Variants in GPALPP1 observed in about 807,000 individuals in gnomAD.
GPALPP1 encodes GPALPP motifs-containing protein 1.
Under a neutral mutation model 38.9 loss-of-function variants are expected in GPALPP1, and 30 were observed. The ratio of observed to expected loss-of-function variants is 0.77; its 90% CI spans 0.58 to 1.05. The LOEUF (loss-of-function observed/expected upper bound fraction) is 1.05. Ranked by LOEUF, GPALPP1 falls within the 50% of genes least tolerant of loss-of-function variation. GPALPP1 has a pLI of 0.00. For synonymous variants in GPALPP1, 120 were observed against 139.2 expected, an observed-to-expected ratio of 0.86 and a Z score of 0.97; for missense variants, 384 against 408.8, an observed-to-expected ratio of 0.94 and a Z score of 0.52.
At chr13:45,024,153 G>C (rs1566084405) in intron 7 of GPALPP1, among the ~76,000 whole-genome samples, 2 of 4,050 alleles carry the variant, frequency 4.9e-4, no homozygotes, top group African/African-American at 1.3e-3. Context: ...AACTCTGTGT[G>C]TGTGTGTGTG....
intron 1 of GPALPP1, among the ~76,000 whole-genome samples, chr13:44,992,021 T>G (rs1872839640): frequency 6.6e-6 from 1 of 152,258 alleles, no homozygotes; most frequent in Non-Finnish European, 1.5e-5. Context: ...GATGAACATT[T>G]GAGTAATTTC....
At chr13:45,026,095 T>C (rs931011533) in intron 7 of GPALPP1, among the ~76,000 whole-genome samples, 1 of 152,156 alleles carries the variant, frequency 6.6e-6, no homozygotes, top group African/African-American at 2.4e-5. Flanking sequence ...TTCTTAGCAA[T>C]ATTTGATGAT....
At chr13:45,024,394 G>A (rs1038291971) in intron 7 of GPALPP1, among the ~76,000 whole-genome samples, 2 of 151,304 alleles carry the variant, frequency 1.3e-5, no homozygotes, top group African/African-American at 4.9e-5. Flanking sequence ...CCACCTCCTG[G>A]GTTTAAGTGA....
At chr13:45,014,879 C>A in intron 4 of GPALPP1, 73 bp from the exon 5 acceptor site, 3 of 1,126,860 alleles carry the variant, frequency 2.7e-6, no homozygotes, top group Non-Finnish European at 3.7e-6. Context: ...CAGTTAAATG[C>A]AGGTAATTTA....
At chr13:44,990,151 CTT>C (rs1872687446) in intron 1 of GPALPP1, 1 of 415,766 alleles carries the variant, frequency 2.4e-6, no homozygotes, top group Admixed American at 4.1e-5. Context: ...AAGCGGTTCT[CTT>C]AACCTCTGTG....
chr13:45,009,833 T>C (rs943552179), intron 4 of GPALPP1, among the ~76,000 whole-genome samples: 1 of 152,188 alleles, frequency 6.6e-6, no homozygotes, highest in Non-Finnish European at 1.5e-5. Flanking sequence ...GTCAACAAAT[T>C]ATTTTGTTCC....
downstream of GPALPP1, chr13:45,030,529 A>T (rs941599469): frequency 6.6e-6 from 1 of 152,112 alleles, no homozygotes; most frequent in Non-Finnish European, 1.5e-5. Flanking sequence ...ACAGGCGTGC[A>T]CCACCATGCT....
intron 7 of GPALPP1, among the ~76,000 whole-genome samples, chr13:45,021,711 G>A (rs765296345): frequency 1.3e-5 from 2 of 151,392 alleles, no homozygotes; most frequent in Non-Finnish European, 2.9e-5. Context: ...AATGATAATG[G>A]AAGTTAGAAA....
At chr13:45,014,831 C>A in intron 4 of GPALPP1, 121 bp from the exon 5 acceptor site, 1 of 778,540 alleles carries the variant, frequency 1.3e-6, no homozygotes, top group Non-Finnish European at 2.0e-6. Context: ...GCCAGCAATA[C>A]ATTGTTTACT....
chr13:44,989,611 T>G lies in GPALPP1; in HGVS notation c.-44T>G. On this transcript the variant is annotated 5_prime_UTR_variant, in exon 1 of 8. Transcript: ENST00000379151. Reference sequence around the variant, plus strand: ...GGATTCTTTTTGGATAGGGTTGACGTTCGTGGATAGACTCATATCTGTGAC... The same window carrying G: ...GGATTCTTTTTGGATAGGGTTGACGGTCGTGGATAGACTCATATCTGTGAC... 1 of 1,548,334 alleles carries G rather than the reference T, an allele frequency of 6.5e-7. No individual in the cohort carries two copies. The highest frequency in any genetic ancestry group is 8.9e-7 in the Non-Finnish European group (1 of 1,122,760).
intron 6 of GPALPP1, among the ~76,000 whole-genome samples, chr13:45,017,296 T>C (rs746422334): frequency 2.0e-5 from 3 of 152,182 alleles, no homozygotes; most frequent in Non-Finnish European, 4.4e-5. Context: ...TGCCTGCATA[T>C]TGGGCAACAT....
At chr13:45,013,026 T>G (rs1033300785) in intron 4 of GPALPP1, among the ~76,000 whole-genome samples, 4 of 152,158 alleles carry the variant, frequency 2.6e-5, no homozygotes, top group Non-Finnish European at 5.9e-5. Context: ...AAATGGAACT[T>G]TATCTTAACC....
chr13:45,017,985 G>C (rs182889836), intron 6 of GPALPP1, among the ~76,000 whole-genome samples: 29 of 152,206 alleles, frequency 1.9e-4, no homozygotes, highest in African/African-American at 7.0e-4. Context: ...ACAGATCTTA[G>C]CCATATTTCC....
chr13:45,012,693 C>T (rs955628673), intron 4 of GPALPP1, among the ~76,000 whole-genome samples: 1 of 152,188 alleles, frequency 6.6e-6, no homozygotes, highest in Admixed American at 6.5e-5. Flanking sequence ...ACAGAGATTA[C>T]ACTGTAGGTC....
rs747485988 is a variant in GPALPP1, at chr13:45,014,964, A to G, written c.421A>G (p.Ser141Gly). The change falls in exon 5 of 8, where the codon AGT becomes GGT. Residue 141 changes from serine to glycine, a missense_variant. Physicochemically the swap from Ser to Gly is moderately conservative, Grantham distance 56 (BLOSUM62 0). Transcript: ENST00000379151. Reference sequence around the variant, plus strand: ...CTTGTTTTAAAAGGAAACAGACAGCAGTGAAGATGAGGATATTATTGGACC... The same window carrying G: ...CTTGTTTTAAAAGGAAACAGACAGCGGTGAAGATGAGGATATTATTGGACC... ...DDPGQQETDS[S>G]EDEDIIGPMP... 58 of 1,596,198 alleles carry G rather than the reference A, an allele frequency of 3.6e-5. No individual in the cohort carries two copies. The highest frequency in any genetic ancestry group is 4.7e-5 in the Non-Finnish European group (55 of 1,170,608).
At chr13:45,012,224 A>G (rs1442738631) in intron 4 of GPALPP1, among the ~76,000 whole-genome samples, 1 of 152,172 alleles carries the variant, frequency 6.6e-6, no homozygotes, top group Non-Finnish European at 1.5e-5. Context: ...AAGGAGGACA[A>G]GGGGACTAGA....
chr13:45,012,350 GTGTC>G (rs1382260340), intron 4 of GPALPP1, among the ~76,000 whole-genome samples: 1 of 152,086 alleles, frequency 6.6e-6, no homozygotes, highest in Non-Finnish European at 1.5e-5. Flanking sequence ...AAAAAAGTGT[GTGTC>G]TGTCTATCTC....
intron 7 of GPALPP1, among the ~76,000 whole-genome samples, chr13:45,026,309 C>T (rs1454275595): frequency 6.6e-6 from 1 of 152,166 alleles, no homozygotes; most frequent in African/African-American, 2.4e-5. Context: ...TTTGTACATT[C>T]TGCTAAAACG....
intron 7 of GPALPP1, among the ~76,000 whole-genome samples, chr13:45,022,959 T>G (rs573036354): frequency 1.3e-5 from 2 of 152,324 alleles, no homozygotes; most frequent in African/African-American, 4.8e-5. Flanking sequence ...GAGGATCACT[T>G]GAGCCTAGGA....
Sources: gnomAD v4.1 joint callset for allele counts (sites outside exome capture counted in the v4.1 genomes callset) on GRCh38, gnomAD v4.1.1 for gene constraint, MANE v1.5 for transcripts, NCBI Gene and HGNC (gene_info 2026-07-23, HGNC 2026-07-21) for gene names.